NMT2: variants seen among roughly 807,000 people sequenced by gnomAD.
NMT2 encodes the protein N-myristoyltransferase 2, also known as glycylpeptide N-tetradecanoyltransferase 2.
NMT2 carries 35 observed loss-of-function variants against 65.4 expected under a neutral mutation model. That is an observed-to-expected ratio of 0.54 (90% confidence interval 0.41 to 0.71). The LOEUF is 0.71. Among genes scored for constraint, NMT2 ranks in the 30% least tolerant of loss-of-function variants. The probability of loss-of-function intolerance (pLI) is 0.00; values close to 1 mark genes in which losing one functional copy is unlikely to be tolerated. For synonymous variants in NMT2, 226 were observed against 231.8 expected (o/e 0.98, Z 0.23); for missense variants, 489 against 611.3 (o/e 0.80, Z 2.11).
At chr10:15,111,157 C>T (rs552216523) in intron 10 of NMT2, among the ~76,000 whole-genome samples, 4 of 152,078 alleles carry the variant, frequency 2.6e-5, no homozygotes, top group Admixed American at 6.5e-5. Flanking sequence ...TAATTATTAG[C>T]CTTTCTAAGT....
intron 7 of NMT2, among the ~76,000 whole-genome samples, chr10:15,129,802 G>A (rs559602634): frequency 7.9e-5 from 12 of 151,880 alleles, no homozygotes; most frequent in Non-Finnish European, 1.3e-4. Flanking sequence ...CCAGCTACTC[G>A]GGAAGCTGAG....
intron 2 of NMT2, 193 bp downstream of exon 2, chr10:15,141,229 C>T: frequency 1.3e-6 from 1 of 799,888 alleles, no homozygotes; most frequent in South Asian, 1.8e-5. Context: ...CACAAAAGCA[C>T]AGTGTACCCC....
In NMT2 at chr10:15,109,016, T is replaced by G; in HGVS notation, c.*179A>C. On this transcript the variant is annotated 3_prime_UTR_variant, in exon 12 of 12. Coordinates refer to ENST00000378165, the MANE Select transcript of NMT2 (RefSeq NM_004808.3). ...GTCAACAGTAAAAAAAGGATGAAGT[T>G]TAACATTCTAGCTAGAAACGTACAA... 2.9e-6 allele frequency: 4 copies of G among 1,402,378 alleles called. No individual in the cohort carries two copies. The highest frequency in any genetic ancestry group is 3.7e-6 in the Non-Finnish European group (4 of 1,083,924). 86.9% of individuals were successfully genotyped at this position (1,402,378 alleles called of 1,614,324 possible). A position where few individuals can be genotyped will look rare whatever the true frequency, so the allele number is the denominator to read the frequency against.
At chr10:15,149,870 C>T (rs1008859497) in intron 1 of NMT2, among the ~76,000 whole-genome samples, 1 of 152,114 alleles carries the variant, frequency 6.6e-6, no homozygotes, top group African/African-American at 2.4e-5. Flanking sequence ...TACTACCCTA[C>T]GTTGTCTCTC....
chr10:15,166,558 T>C (rs1833383714), intron 1 of NMT2, among the ~76,000 whole-genome samples: 1 of 152,166 alleles, frequency 6.6e-6, no homozygotes. Context: ...AAACAGGCAA[T>C]CCAAGGAGAG....
In NMT2 at chr10:15,106,763, A is replaced by T. The variant is rs1460346773; in HGVS notation, c.*2432T>A. ...GCCACACAATCTGTCACAACAACTC[A>T]ACTCAGCTTTGTAGTGTGAAGCAGC... On this transcript the variant is annotated 3_prime_UTR_variant, in exon 12 of 12. Coordinates refer to ENST00000378165, the MANE Select transcript of NMT2 (RefSeq NM_004808.3). The T allele has an allele frequency of 1.8e-6, 1 of 556,208 alleles. No homozygotes were observed. The highest frequency in any genetic ancestry group is 2.0e-5 in the African/African-American group (1 of 48,984). The allele number at this position is 556,208 out of a possible 1,614,324, so 34.5% of individuals were successfully genotyped here. A position where few individuals can be genotyped will look rare whatever the true frequency, so the allele number is the denominator to read the frequency against.
Position 15,109,215 on chromosome 10 carries a change from C to T in NMT2, c.1477G>A (p.Val493Ile). 6.2e-7 allele frequency: 1 copy of T among 1,602,742 alleles called. No homozygotes were observed. The highest frequency in any genetic ancestry group is 8.5e-7 in the Non-Finnish European group (1 of 1,175,972). The change falls in exon 12 of 12, where the codon GTT (valine) becomes ATT (isoleucine). Residue 493 changes from valine to isoleucine, a missense_variant and splice_region_variant. Transcript: ENST00000378165. ...WRCPGTDSEK[V>I]GLVLQ ...TCCATCTATTGTAGTACTAGTCCAA[C>T]CTGAAGGGAGGGAAGAAATGGAATA...
rs115956110 is a variant in NMT2 at position 15,120,720 on chromosome 10, T to G, written c.1000-1207A>C. ...TTTGTTCTCTTGAACAAAAATGATA[T>G]AGGAGTGAATCATATCAGGCTGGAT... is the stretch of plus-strand genomic sequence containing the variant. On this transcript the variant is annotated intron_variant, in intron 8 of 11. Coordinates refer to ENST00000378165, the MANE Select transcript of NMT2 (RefSeq NM_004808.3). 5.7e-3 allele frequency among the ~76,000 whole-genome samples: 868 copies of G among 152,294 alleles called. 6 individuals are homozygous for G. Among genetic ancestry groups the G allele is most frequent in the African/African-American group, 0.02 (820 of 41,564 alleles).
intron 9 of NMT2, among the ~76,000 whole-genome samples, chr10:15,116,106 T>G (rs931360309): frequency 6.6e-6 from 1 of 152,020 alleles, no homozygotes; most frequent in African/African-American, 2.4e-5. Context: ...CAAAGAACAC[T>G]CCACACAACC....
chr10:15,167,086 C>T (rs944279263), intron 1 of NMT2, among the ~76,000 whole-genome samples: 2 of 152,190 alleles, frequency 1.3e-5, no homozygotes, highest in Non-Finnish European at 2.9e-5. Context: ...GTTTCAAAAA[C>T]ATATTTGTAT....
chr10:15,119,174 T>C (rs1251092412), intron 9 of NMT2, among the ~76,000 whole-genome samples, 169 bp downstream of exon 9: 1 of 152,238 alleles, frequency 6.6e-6, no homozygotes, highest in Non-Finnish European at 1.5e-5. Flanking sequence ...AAGCATGTCC[T>C]TGATAGAGTA....
intron 2 of NMT2, chr10:15,141,208 A>G: frequency 1.3e-6 from 1 of 772,390 alleles, no homozygotes; most frequent in Non-Finnish European, 2.1e-6. Context: ...CACAGCAGGT[A>G]TCCACACACA....
intron 1 of NMT2, among the ~76,000 whole-genome samples, chr10:15,168,061 C>G (rs1175048549): frequency 1.3e-5 from 2 of 152,188 alleles, no homozygotes; most frequent in Non-Finnish European, 2.9e-5. Context: ...GAGAGGGAGT[C>G]TGAAGGGACT....
intron 3 of NMT2, among the ~76,000 whole-genome samples, chr10:15,133,903 AT>A (rs1434232037): frequency 6.6e-6 from 1 of 152,210 alleles, no homozygotes; most frequent in Admixed American, 6.5e-5. Flanking sequence ...TGCCAATTAA[AT>A]GAAAGGAGAA....
At chr10:15,145,238 G>A (rs563266339) in intron 1 of NMT2, among the ~76,000 whole-genome samples, 1 of 152,276 alleles carries the variant, frequency 6.6e-6, no homozygotes, top group African/African-American at 2.4e-5. Flanking sequence ...GGTGGTCAGG[G>A]GCTGGGAAGA....
Position 15,109,207 on chromosome 10 carries a change from T to C in NMT2, c.1485A>G (p.Leu495=), listed in dbSNP as rs1256229433. 3 of 1,603,724 alleles carry C rather than the reference T, an allele frequency of 1.9e-6. No individual in the cohort carries two copies. Among genetic ancestry groups the C allele is most frequent in the East Asian group, 2.2e-5 (1 of 44,596 alleles). ...TAAAAATATCCATCTATTGTAGTAC[T>C]AGTCCAACCTGAAGGGAGGGAAGAA... ...CPGTDSEKVG[L]VLQ is the part of the protein sequence containing the mutation. The change falls in exon 12 of 12, where the codon CTA becomes CTG. Residue 495 remains leucine, a synonymous_variant. Coordinates refer to ENST00000378165, the MANE Select transcript of NMT2 (RefSeq NM_004808.3).
chr10:15,138,583 T>C (rs1284381490), intron 2 of NMT2: 1 of 417,144 alleles, frequency 2.4e-6, no homozygotes, highest in African/African-American at 2.0e-5. Context: ...AACCAGCAAC[T>C]ATACTCTTTA....
chr10:15,123,531 GAAAAAAAAAAA>G (rs775699014), intron 8 of NMT2, among the ~76,000 whole-genome samples: 400 of 52,544 alleles, frequency 7.6e-3, no homozygotes, highest in Middle Eastern at 0.025. Context: ...TCGTCTCACA[GAAAAAAAAAAA>G]AAAAAAAAAA....
chr10:15,132,237 G>T (rs1846310277), intron 6 of NMT2, among the ~76,000 whole-genome samples: 1 of 151,916 alleles, frequency 6.6e-6, no homozygotes, highest in Admixed American at 6.6e-5. Context: ...GAGAAAAAGA[G>T]AAAAAGAAAC....
Sources: allele counts gnomAD v4.1 joint callset (sites outside exome capture counted in the v4.1 genomes callset), GRCh38; gene constraint gnomAD v4.1.1; transcripts MANE v1.5; gene names NCBI Gene and HGNC (gene_info 2026-07-23, HGNC 2026-07-21).